The following GRIP1 variants were observed in gnomAD, a reference collection of about 807,000 sequenced individuals.
GRIP1 encodes the protein glutamate receptor-interacting protein 1.
GRIP1 carries 45 observed loss-of-function variants against 129.9 expected under a neutral mutation model. The observed-to-expected ratio is 0.35, with a 90% CI of 0.27 to 0.44. The LOEUF (loss-of-function observed/expected upper bound fraction) is 0.44, where lower values mean the gene tolerates loss of function less well. GRIP1 is among the 20% of genes least tolerant of loss of function. GRIP1 has a pLI of 1.00. For synonymous variants in GRIP1, 530 were observed against 520.8 expected (o/e 1.02, Z -0.24); for missense variants, 1,196 against 1,396.8 (o/e 0.86, Z 2.29).
At chr12:66,985,201 C>T (rs964290578) in intron 1 of GRIP1, among the ~76,000 whole-genome samples, 1 of 152,150 alleles carries the variant, frequency 6.6e-6, no homozygotes, top group Non-Finnish European at 1.5e-5. Flanking sequence ...GTATCACTTC[C>T]AACTACTGGC....
chr12:66,710,233 A>C (rs1017338213), intron 1 of GRIP1, among the ~76,000 whole-genome samples: 3 of 151,998 alleles, frequency 2.0e-5, no homozygotes, highest in African/African-American at 7.2e-5. Flanking sequence ...TTACATCTTG[A>C]AAGAAGAGAA....
intron 1 of GRIP1, among the ~76,000 whole-genome samples, chr12:66,884,392 G>C (rs576862033): frequency 6.6e-6 from 1 of 152,100 alleles, no homozygotes; most frequent in African/African-American, 2.4e-5. Flanking sequence ...AGAAGGCTAC[G>C]GCTAGAAAAC....
chr12:66,990,329 T>C (rs990813941), intron 1 of GRIP1, among the ~76,000 whole-genome samples: 1 of 152,236 alleles, frequency 6.6e-6, no homozygotes, highest in African/African-American at 2.4e-5. Flanking sequence ...TTTGTTCATT[T>C]ATCCAGTTAT....
intron 1 of GRIP1, among the ~76,000 whole-genome samples, chr12:66,694,484 G>A (rs1363770547): frequency 6.6e-6 from 1 of 152,072 alleles, no homozygotes; most frequent in Non-Finnish European, 1.5e-5. Context: ...GATCTTGGCA[G>A]ATGGGCACAG....
At chr12:66,583,979 T>C (rs1195962321) in intron 2 of GRIP1, among the ~76,000 whole-genome samples, 1 of 140,166 alleles carries the variant, frequency 7.1e-6, no homozygotes, top group African/African-American at 2.6e-5. Flanking sequence ...TGCGGCATTA[T>C]TCACAATAGC....
intron 1 of GRIP1, among the ~76,000 whole-genome samples, chr12:66,980,189 C>A (rs1426576685): frequency 2.0e-5 from 3 of 152,190 alleles, no homozygotes; most frequent in Non-Finnish European, 4.4e-5. Context: ...ATCTCTCTGC[C>A]TCTGAAAAAG....
At chr12:66,412,976 A>G (rs1258774235) in intron 15 of GRIP1, among the ~76,000 whole-genome samples, 1 of 152,228 alleles carries the variant, frequency 6.6e-6, no homozygotes, top group African/African-American at 2.4e-5. Context: ...TTAGAGACCT[A>G]TGAAGAAACT....
chr12:66,500,762 G>C (rs1292310100), intron 7 of GRIP1, among the ~76,000 whole-genome samples: 1 of 152,206 alleles, frequency 6.6e-6, no homozygotes, highest in Non-Finnish European at 1.5e-5. Context: ...CCCCCATAGA[G>C]ATCAGGTGAA....
chr12:66,804,144 A>G (rs1414636821), exon 1 of GRIP1: 1 of 455,826 alleles, frequency 2.2e-6, no homozygotes, highest in Non-Finnish European at 4.4e-6. Flanking sequence ...TTCTTCTCCT[A>G]GATCTTCTTA....
At chr12:66,991,536 C>T (rs990772846) in intron 1 of GRIP1, among the ~76,000 whole-genome samples, 25 of 152,094 alleles carry the variant, frequency 1.6e-4, no homozygotes, top group Non-Finnish European at 3.7e-4. Context: ...AATCAAAATA[C>T]TTTATTCATT....
chr12:66,910,309 C>T (rs777051184), intron 1 of GRIP1, among the ~76,000 whole-genome samples: 7 of 152,232 alleles, frequency 4.6e-5, no homozygotes, highest in Non-Finnish European at 1.0e-4. Context: ...GGGCCTATAT[C>T]TATCTTCAGA....
At chr12:66,370,842 T>C (rs935024901) in intron 23 of GRIP1, among the ~76,000 whole-genome samples, 3 of 152,174 alleles carry the variant, frequency 2.0e-5, no homozygotes, top group African/African-American at 7.2e-5. Flanking sequence ...TTTTGTTCCA[T>C]GTAGCAAAGT....
chr12:66,370,019 T>G (rs2055397245), intron 23 of GRIP1, among the ~76,000 whole-genome samples: 1 of 152,220 alleles, frequency 6.6e-6, no homozygotes, highest in South Asian at 2.1e-4. Flanking sequence ...GCACACAAGC[T>G]TCCAATTCTA....
intron 1 of GRIP1, among the ~76,000 whole-genome samples, chr12:66,761,020 A>C (rs2037458068): frequency 6.6e-6 from 1 of 152,060 alleles, no homozygotes; most frequent in Non-Finnish European, 1.5e-5. Flanking sequence ...CTTCAAATTT[A>C]CTAGTCCATG....
chr12:66,867,256 T>G (rs1452603081), intron 1 of GRIP1, among the ~76,000 whole-genome samples: 1 of 152,140 alleles, frequency 6.6e-6, no homozygotes, highest in African/African-American at 2.4e-5. Context: ...CCCAAAGTGT[T>G]GGGATTACAC....
At chr12:66,896,777 C>T (rs1592936956) in intron 1 of GRIP1, among the ~76,000 whole-genome samples, 1 of 152,234 alleles carries the variant, frequency 6.6e-6, no homozygotes, top group Admixed American at 6.5e-5. Context: ...AGTTAACCAG[C>T]CATAATAAAT....
At chr12:66,352,706 C>CTGAGAGCCAGAG (rs140068432) in intron 24 of GRIP1, among the ~76,000 whole-genome samples, 1 of 142,538 alleles carries the variant, frequency 7.0e-6, no homozygotes, top group Non-Finnish European at 1.5e-5. Flanking sequence ...GCACTCCAGC[C>CTGAGAGCCAGAG]TGAGACTCTG....
intron 19 of GRIP1, among the ~76,000 whole-genome samples, chr12:66,384,797 A>G (rs145547526): frequency 2.0e-5 from 3 of 152,362 alleles, no homozygotes; most frequent in African/African-American, 4.8e-5. Context: ...TGATGACACC[A>G]TGGGAAAAAT....
chr12:66,807,341 G>T (rs1340518269), upstream of GRIP1, among the ~76,000 whole-genome samples: 1 of 152,094 alleles, frequency 6.6e-6, no homozygotes, highest in East Asian at 1.9e-4. Context: ...TATTCTCTCA[G>T]CAGTGAGTGA....
Sources: allele counts gnomAD v4.1 joint callset (sites outside exome capture counted in the v4.1 genomes callset), GRCh38; gene constraint gnomAD v4.1.1; transcripts MANE v1.5; gene names NCBI Gene and HGNC (gene_info 2026-07-23, HGNC 2026-07-21).